The following ZNF479 variants were observed in gnomAD, a reference collection of about 807,000 sequenced individuals.
ZNF479 encodes the protein KRAB zinc finger protein KR19.
In ZNF479, 15 loss-of-function variants were observed where a neutral mutation model predicts 14.7. That is an observed-to-expected ratio of 1.02 (90% CI 0.68 to 1.57). The LOEUF is 1.57. ZNF479 is among the 40% of genes most tolerant of loss of function. The pLI, the probability that ZNF479 is intolerant of heterozygous loss-of-function variation, is 0.00. For synonymous variants in ZNF479, 145 were observed against 211.5 expected, an observed-to-expected ratio of 0.69 and a Z score of 2.73; for missense variants, 506 against 615.1, an observed-to-expected ratio of 0.82 and a Z score of 1.88.
Position 57,118,147 on chromosome 7 carries a change from A to C in ZNF479, c.*1693T>G, listed in dbSNP as rs1367195419. 6.6e-6 allele frequency among the ~76,000 whole-genome samples: 1 copy of C among 152,278 alleles called. No individual in the cohort carries two copies. The highest frequency in any genetic ancestry group is 2.4e-5 in the African/African-American group (1 of 41,482). On this transcript the variant is annotated 3_prime_UTR_variant, in exon 4 of 4. Coordinates refer to ENST00000319636, the MANE Select transcript of ZNF479 (RefSeq NM_001370129.2). ...TGAAAAAATGTTTTTCACATTCATT[A>C]CATGTTTAGACTTTCTCTCCAATAT...
upstream of ZNF479, among the ~76,000 whole-genome samples, chr7:57,136,086 A>C (rs1241281024): frequency 3.3e-5 from 5 of 151,806 alleles, no homozygotes; most frequent in Non-Finnish European, 5.9e-5. Flanking sequence ...ACTTCCAGTC[A>C]GAAGTCCCTG....
At chr7:57,132,477 C>T, upstream of ZNF479, 4 of 1,202,040 alleles carry the variant, frequency 3.3e-6, no homozygotes, top group Non-Finnish European at 4.7e-6. Context: ...TTTCCAGCTG[C>T]AAGCCTGATT....
chr7:57,132,872 T>G (rs145362019), upstream of ZNF479, among the ~76,000 whole-genome samples: 623 of 152,256 alleles, frequency 4.1e-3, 2 homozygotes, highest in African/African-American at 0.015. Context: ...GTGCAGTGGC[T>G]CACACCTATA....
At chr7:57,135,973 ATCTCTCTCTCTCTCTCTCTCTCTC>A (rs57853604), upstream of ZNF479, among the ~76,000 whole-genome samples, 3 of 125,212 alleles carry the variant, frequency 2.4e-5, no homozygotes, top group Non-Finnish European at 4.9e-5. Flanking sequence ...CTCTCTCTCA[ATCTCTCTCTCTCTCTCTCTCTCTC>A]TCTCTCTCTC....
rs1554400295 is a variant in ZNF479, at chr7:57,120,724, G to A, written c.691C>T (p.His231Tyr). 1 of 1,612,094 alleles carries A rather than the reference G, an allele frequency of 6.2e-7. No homozygotes were observed. The highest frequency in any genetic ancestry group is 2.2e-5 in the East Asian group (1 of 44,846). The change falls in exon 4 of 4, where the codon CAT becomes TAT. Residue 231 changes from histidine to tyrosine, a missense_variant. Transcript: ENST00000319636. Reference sequence around the variant, plus strand: ...TTCTCTCCAGTATGAATTATTTTATGTGTAGTATGGTTTGAGGAGCAGTTA... The same window carrying A: ...TTCTCTCCAGTATGAATTATTTTATATGTAGTATGGTTTGAGGAGCAGTTA... ...SFNCSSNHTTHKIIHTGEKPY... is the reference protein window; with the variant it reads ...SFNCSSNHTTYKIIHTGEKPY...
Position 57,120,613 on chromosome 7 carries a change from G to GT in ZNF479, c.801dup (p.Pro268ThrfsTer5). The GT allele has an allele frequency of 1.2e-6, 2 of 1,613,980 alleles. No homozygotes were observed. Among genetic ancestry groups the GT allele is most frequent in the Non-Finnish European group, 1.7e-6 (2 of 1,179,928 alleles). On this transcript the variant is annotated frameshift_variant, in exon 4 of 4. Coordinates refer to ENST00000319636, the MANE Select transcript of ZNF479 (RefSeq NM_001370129.2). LOFTEE classifies it low-confidence loss of function (END_TRUNC). ...TGGCCACATTCTTCACACGTGTAGGGTTTCTCTCCAGTATGAGTTCTCTTA... is the reference window on the plus strand; with the variant it reads ...TGGCCACATTCTTCACACGTGTAGGGTTTTCTCTCCAGTATGAGTTCTCTTA...
rs1785865801 is a variant in ZNF479, at chr7:57,120,402, G to A, written c.1013C>T (p.Ser338Leu). ...EECGKAFSWS[S>L]NLTRHKRIHT... ...AATTCTCTTATGTCTAGTAAGGTTT[G>A]AGGACCAGCTAAAGGCTTTGCCACA... Residue 338 changes from serine to leucine, a missense_variant, in exon 4 of 4, where the codon TCA becomes TTA. Physicochemically the swap from Ser to Leu is moderately radical, Grantham distance 145 (BLOSUM62 -2). Transcript: ENST00000319636. 1 of 1,613,460 alleles carries A rather than the reference G, an allele frequency of 6.2e-7. No individual in the cohort carries two copies. Among genetic ancestry groups the A allele is most frequent in the African/African-American group, 1.3e-5 (1 of 74,940 alleles).
chr7:57,122,933 C>G (rs922196065), intron 3 of ZNF479, among the ~76,000 whole-genome samples: 4 of 151,618 alleles, frequency 2.6e-5, no homozygotes, highest in Admixed American at 2.6e-4. Context: ...AATAGCAACA[C>G]AAAATTATAA....
At chr7:57,128,331 G>A (rs962866798) in intron 1 of ZNF479, among the ~76,000 whole-genome samples, 45 of 152,298 alleles carry the variant, frequency 3.0e-4, no homozygotes, top group African/African-American at 1.1e-3. Context: ...ATTTTAAGTA[G>A]TCTTTCCTTA....
chr7:57,137,592 A>G (rs1208386755), intron 1 of ZNF479, among the ~76,000 whole-genome samples: 1 of 152,242 alleles, frequency 6.6e-6, no homozygotes, highest in Non-Finnish European at 1.5e-5. Context: ...TCTGATCCTG[A>G]AGCTGGGGCA....
At chr7:57,134,665 CTTTTTTTTTTTTT>C (rs71053216), upstream of ZNF479, among the ~76,000 whole-genome samples, 1 of 106,482 alleles carries the variant, frequency 9.4e-6, no homozygotes, top group Non-Finnish European at 1.9e-5. Flanking sequence ...TTTCTTCTAT[CTTTTTTTTTTTTT>C]TTTTTTTTGT....
chr7:57,121,139 A>C lies in ZNF479; in HGVS notation c.276T>G (p.His92Gln). The C allele has an allele frequency of 6.2e-7, 1 of 1,613,764 alleles. No individual in the cohort carries two copies. The highest frequency in any genetic ancestry group is 1.1e-5 in the South Asian group (1 of 91,048). ...MVAKHPVTRS[H>Q]FTQDLQPEQG... is the part of the protein sequence containing the mutation. Reference sequence around the variant, plus strand: ...GCTCTGGCTGAAGGTCTTGGGTGAAATGGGAACGCGTAACTGAAAGACACA... The same window carrying C: ...GCTCTGGCTGAAGGTCTTGGGTGAACTGGGAACGCGTAACTGAAAGACACA... Residue 92 changes from histidine (H) to glutamine (Q), a missense_variant, in exon 4 of 4, where the codon CAT (histidine) becomes CAG (glutamine). By Grantham distance (24) the His-to-Gln change is conservative. Transcript: ENST00000319636.
chr7:57,137,906 TC>T (rs1786718681), intron 1 of ZNF479, among the ~76,000 whole-genome samples: 1 of 152,192 alleles, frequency 6.6e-6, no homozygotes, highest in Admixed American at 6.5e-5. Flanking sequence ...GTTATGTGAC[TC>T]TTTTTTTGCC....
At position 57,127,772 on chromosome 7, in the gene ZNF479, G is replaced by A. The variant is rs1583940227; in HGVS notation, c.40-1054C>T. On this transcript the variant is annotated intron_variant, in intron 1 of 3. Coordinates refer to ENST00000319636, the MANE Select transcript of ZNF479 (RefSeq NM_001370129.2). Reference sequence around the variant, plus strand: ...AATTAACTCTAGAGTGGAAAAAAATGTCATAGAGATCTTGAACCAAGTGAA... The same window carrying A: ...AATTAACTCTAGAGTGGAAAAAAATATCATAGAGATCTTGAACCAAGTGAA... 2.0e-5 allele frequency among the ~76,000 whole-genome samples: 3 copies of A among 152,124 alleles called. No individual in the cohort carries two copies. The South Asian group carries it at 6.2e-4, about 32-fold the overall frequency.
In ZNF479 at chr7:57,119,020, A is replaced by T. The variant is rs1250269510; in HGVS notation, c.*820T>A. Among the ~76,000 whole-genome samples the T allele has an allele frequency of 6.6e-6, 1 of 152,124 alleles. No homozygotes were observed. The highest frequency in any genetic ancestry group is 1.5e-5 in the Non-Finnish European group (1 of 68,020). On this transcript the variant is annotated 3_prime_UTR_variant, in exon 4 of 4. Coordinates refer to ENST00000319636, the MANE Select transcript of ZNF479 (RefSeq NM_001370129.2). The stretch of plus-strand genomic sequence containing the variant: ...AAGCAGAGTTTCTCTCCAGTATAAA[A>T]TTTTTTAGTGAGTAAGCATGGAGAA...
At chr7:57,127,126 G>A (rs560462426) in intron 1 of ZNF479, among the ~76,000 whole-genome samples, 83 of 146,828 alleles carry the variant, frequency 5.7e-4, no homozygotes, top group African/African-American at 2.0e-3. Flanking sequence ...GGGTTCAATC[G>A]ATTCTCCTGC....
intron 1 of ZNF479, among the ~76,000 whole-genome samples, chr7:57,138,258 G>A (rs1786734260): frequency 2.6e-5 from 4 of 152,156 alleles, no homozygotes; most frequent in African/African-American, 9.6e-5. Context: ...TAGAAAAACA[G>A]GCAATGATCT....
chr7:57,126,148 T>A (rs760354938), intron 2 of ZNF479, 35 bp from the exon 3 acceptor site: 2 of 1,557,522 alleles, frequency 1.3e-6, no homozygotes, highest in East Asian at 4.5e-5. Flanking sequence ...ACATAGATCA[T>A]GCTGAATTCT....
chr7:57,139,389 C>A (rs1786785708), intron 1 of ZNF479, among the ~76,000 whole-genome samples: 1 of 152,228 alleles, frequency 6.6e-6, no homozygotes, highest in Admixed American at 6.5e-5. Context: ...GGCTCTCATG[C>A]ACACAGCCAG....
Sources: allele counts gnomAD v4.1 joint callset (sites outside exome capture counted in the v4.1 genomes callset), GRCh38; gene constraint gnomAD v4.1.1; transcripts MANE v1.5; gene names NCBI Gene and HGNC (gene_info 2026-07-23, HGNC 2026-07-21).